NBN: variants seen among roughly 807,000 people sequenced by gnomAD.
NBN encodes Nijmegen breakage syndrome 1 (nibrin).
NBN carries 88 observed loss-of-function variants against 90.8 expected under a neutral mutation model. The observed-to-expected ratio is 0.97, with a 90% CI of 0.82 to 1.16. The LOEUF is 1.16. Among genes scored for constraint, NBN ranks in the 50% most tolerant of loss-of-function variants. The pLI is 0.00. For missense variants in NBN, 894 were observed against 869.6 expected, an observed-to-expected ratio of 1.03 and a Z score of -0.35; for synonymous variants, 328 against 295.1, an observed-to-expected ratio of 1.11 and a Z score of -1.14.
In NBN at chr8:89,953,399, C is replaced by T. The variant is rs72550742; in HGVS notation, c.1690G>A (p.Glu564Lys). Residue 564 changes from glutamate to lysine, a missense_variant, in exon 11 of 16, where the codon GAA (glutamate) becomes AAA (lysine). Glu to Lys is a moderately conservative substitution (Grantham distance 56). Transcript: ENST00000265433. ...DDVAIEDEVLEQLFKDTKPEL... is the reference protein window; with the variant it reads ...DDVAIEDEVLKQLFKDTKPEL... Reference sequence around the variant, plus strand: ...GGTTTTGTGTCCTTGAATAACTGTTCCAATACTTCATCTTCTATGGCCACA... The same window carrying T: ...GGTTTTGTGTCCTTGAATAACTGTTTCAATACTTCATCTTCTATGGCCACA... 4.1e-4 allele frequency: 665 copies of T among 1,613,700 alleles called. 3 individuals carry two copies. The East Asian group carries it at 0.011, about 26-fold the overall frequency.
chr8:89,947,791 A>G, intron 12 of NBN, 33 bp downstream of exon 12: 2 of 1,333,446 alleles, frequency 1.5e-6, no homozygotes, highest in Non-Finnish European at 2.1e-6. Flanking sequence ...CCGTAAGCCA[A>G]ATCTGTATAA....
intron 8 of NBN, 117 bp downstream of exon 8, chr8:89,964,293 A>G: frequency 8.5e-7 from 1 of 1,180,410 alleles, no homozygotes; most frequent in African/African-American, 1.5e-5. Flanking sequence ...TAAATGGATG[A>G]ATTTTAAAAC....
intron 7 of NBN, among the ~76,000 whole-genome samples, chr8:89,964,881 A>C (rs1811174726): frequency 6.6e-6 from 1 of 152,172 alleles, no homozygotes; most frequent in Non-Finnish European, 1.5e-5. Context: ...TGGGAGGCTG[A>C]GGCGGGTGGA....
At chr8:89,941,376 G>C (rs542454203) in intron 14 of NBN, among the ~76,000 whole-genome samples, 1 of 152,240 alleles carries the variant, frequency 6.6e-6, no homozygotes, top group East Asian at 1.9e-4. Context: ...AGGCTAGGTG[G>C]GAGGAAGTAC....
At chr8:89,976,607 C>T (rs2129876043) in intron 5 of NBN, among the ~76,000 whole-genome samples, 1 of 152,286 alleles carries the variant, frequency 6.6e-6, no homozygotes, top group East Asian at 1.9e-4. Context: ...AACAGCTAGT[C>T]GGGACCGCGG....
rs1161054161 is a variant in NBN at position 89,980,769 on chromosome 8, G to A, written c.445C>T (p.His149Tyr). 2.5e-6 allele frequency: 4 copies of A among 1,613,272 alleles called. No homozygotes were observed. The highest frequency in any genetic ancestry group is 3.3e-5 in the Admixed American group (2 of 60,004). ...TVNNWTEECTHLVMVSVKVTI... is the reference protein window; with the variant it reads ...TVNNWTEECTYLVMVSVKVTI... ...ACTTTCACTGATACCATGACAAGGT[G>A]AGTGCATTCTTCTGTCCAATTGTTT... The change falls in exon 4 of 16, where the codon CAC becomes TAC. Residue 149 changes from histidine (H) to tyrosine (Y), a missense_variant. By Grantham distance (83) the His-to-Tyr change is moderately conservative. Transcript: ENST00000265433.
In NBN at chr8:89,982,777, T is replaced by C. The variant is rs765551184; in HGVS notation, c.116A>G (p.Gln39Arg). 1 of 1,613,938 alleles carries C rather than the reference T, an allele frequency of 6.2e-7. No individual in the cohort carries two copies. Among genetic ancestry groups the C allele is most frequent in the Non-Finnish European group, 8.5e-7 (1 of 1,179,862 alleles). The change falls in exon 2 of 16, where the codon CAG becomes CGG. Residue 39 changes from glutamine to arginine, a missense_variant. Transcript: ENST00000265433. Reference protein sequence around the residue: ...KNCAILIENDQSISRNHAVLT... With the variant: ...KNCAILIENDRSISRNHAVLT... ...CACAGCATGATTTCGGCTGATCGAC[T>C]GATCATTTTCAATCAGAATGGCACA...
intron 8 of NBN, 140 bp from the exon 9 acceptor site, chr8:89,958,994 T>C (rs1810868356): frequency 1.8e-6 from 2 of 1,129,336 alleles, no homozygotes; most frequent in Non-Finnish European, 2.6e-6. Flanking sequence ...CAATGAGTGG[T>C]ACCAACAAAC....
chr8:89,971,575 C>T (rs1811520547), intron 5 of NBN, among the ~76,000 whole-genome samples: 1 of 152,100 alleles, frequency 6.6e-6, no homozygotes, highest in African/African-American at 2.4e-5. Context: ...ATTAAACACA[C>T]ATGACTCAAA....
chr8:89,952,324 C>G (rs1279760806), intron 11 of NBN, among the ~76,000 whole-genome samples: 1 of 152,126 alleles, frequency 6.6e-6, no homozygotes, highest in African/African-American at 2.4e-5. Context: ...GCCTGGGAAT[C>G]TATATTTTAG....
intron 7 of NBN, among the ~76,000 whole-genome samples, chr8:89,965,515 G>A (rs1233081872): frequency 2.0e-5 from 3 of 148,976 alleles, no homozygotes; most frequent in Non-Finnish European, 4.4e-5. Flanking sequence ...CTGAGACAGA[G>A]ACTTGCTCTT....
chr8:89,956,696 T>C (rs1486621409), intron 9 of NBN, among the ~76,000 whole-genome samples: 2 of 152,190 alleles, frequency 1.3e-5, no homozygotes, highest in African/African-American at 4.8e-5. Context: ...ATAAAAAAAC[T>C]ATCCTAAGAC....
In NBN at chr8:89,982,708, A is replaced by G. The variant is rs1432243629; in HGVS notation, c.171+14T>C. On this transcript the variant is annotated intron_variant, in intron 2 of 15. Coordinates refer to ENST00000265433, the MANE Select transcript of NBN (RefSeq NM_002485.5). Reference sequence around the variant, plus strand: ...CCCTTACTGGAAACTAGTGAAATAAAATTAGTAACATACCAGGTTGGTTAC... The same window carrying G: ...CCCTTACTGGAAACTAGTGAAATAAGATTAGTAACATACCAGGTTGGTTAC... 1 of 1,609,302 alleles carries G rather than the reference A, an allele frequency of 6.2e-7. No individual in the cohort carries two copies. The highest frequency in any genetic ancestry group is 1.3e-5 in the African/African-American group (1 of 74,816).
At chr8:89,961,329 T>C (rs1810983423) in intron 8 of NBN, among the ~76,000 whole-genome samples, 1 of 152,204 alleles carries the variant, frequency 6.6e-6, no homozygotes, top group Admixed American at 6.6e-5. Flanking sequence ...ACAAGTACCG[T>C]GCTTGCTGCT....
At chr8:89,983,288 T>TA (rs1319491714) in intron 1 of NBN, among the ~76,000 whole-genome samples, 2 of 151,848 alleles carry the variant, frequency 1.3e-5, no homozygotes, top group South Asian at 2.1e-4. Context: ...CAGGAAACTA[T>TA]AAAAAAAGAT....
chr8:89,955,927 G>T (rs1810693333), intron 9 of NBN, among the ~76,000 whole-genome samples: 1 of 151,284 alleles, frequency 6.6e-6, no homozygotes, highest in South Asian at 2.1e-4. Flanking sequence ...CACTATTATG[G>T]TACTTTCATT....
intron 8 of NBN, among the ~76,000 whole-genome samples, chr8:89,960,167 T>C (rs12550313): frequency 0.33 from 50,297 of 152,090 alleles, 8,396 homozygotes; most frequent in East Asian, 0.45. Context: ...GCTAGGTCCT[T>C]GTGACACAGG....
chr8:89,983,105 A>G (rs150390860), intron 1 of NBN, among the ~76,000 whole-genome samples: 39 of 152,294 alleles, frequency 2.6e-4, no homozygotes, highest in African/African-American at 8.7e-4. Flanking sequence ...AAAATACAAT[A>G]AAAAAGAGAA....
intron 1 of NBN, among the ~76,000 whole-genome samples, chr8:89,983,881 C>A (rs1812195003): frequency 6.6e-6 from 1 of 152,096 alleles, no homozygotes; most frequent in South Asian, 2.1e-4. Context: ...TCTTACCCTG[C>A]CAGTCCATTT....
Sources: allele counts gnomAD v4.1 joint callset (sites outside exome capture counted in the v4.1 genomes callset), GRCh38; gene constraint gnomAD v4.1.1; transcripts MANE v1.5; gene names NCBI Gene and HGNC (gene_info 2026-07-23, HGNC 2026-07-21).